Variants in C19orf12 observed in about 807,000 individuals in gnomAD.
C19orf12 encodes the protein protein C19orf12.
A neutral mutation model predicts 3.8 loss-of-function variants in C19orf12; 2 were observed. The ratio of observed to expected loss-of-function variants is 0.53; its 90% CI spans 0.22 to 1.66. The LOEUF is 1.66. Among genes scored for constraint, C19orf12 ranks in the 40% most tolerant of loss-of-function variants. The pLI, the probability that C19orf12 is intolerant of heterozygous loss-of-function variation, is 0.20. For synonymous variants in C19orf12, 89 were observed against 84.6 expected (o/e 1.05, Z -0.28); for missense variants, 156 against 188.8 (o/e 0.83, Z 1.02).
intron 1 of C19orf12, among the ~76,000 whole-genome samples, chr19:29,712,661 A>G (rs1364909003): frequency 6.6e-6 from 1 of 152,186 alleles, no homozygotes; most frequent in Non-Finnish European, 1.5e-5. Context: ...CCCTCCCACC[A>G]GCTTTTCTAT....
Position 29,708,390 on chromosome 19 carries a change from G to A in C19orf12, c.24C>T (p.Ile8=), listed in dbSNP as rs766430071. 1.4e-5 allele frequency: 23 copies of A among 1,613,960 alleles called. No homozygotes were observed. The highest frequency in any genetic ancestry group is 2.2e-5 in the South Asian group (2 of 91,080). Reference sequence around the variant, plus strand: ...CAGAAAGGGAGCACAGCAGCTTCATGATGTCCTCCACCATGATAGTCATCG... The same window carrying A: ...CAGAAAGGGAGCACAGCAGCTTCATAATGTCCTCCACCATGATAGTCATCG... MTIMVED[I]MKLLCSLSGE... is the part of the protein sequence containing the mutation. The change falls in exon 2 of 3, where the codon ATC becomes ATT. Residue 8 remains isoleucine (I), a synonymous_variant. Transcript: ENST00000323670.
chr19:29,713,816 C>T (rs1287305716), intron 1 of C19orf12, among the ~76,000 whole-genome samples: 1 of 152,144 alleles, frequency 6.6e-6, no homozygotes, highest in Non-Finnish European at 1.5e-5. Context: ...AGGGGCCGTC[C>T]CCTGCCCACC....
chr19:29,708,852 C>G (rs1972517981), intron 1 of C19orf12, among the ~76,000 whole-genome samples: 1 of 152,186 alleles, frequency 6.6e-6, no homozygotes, highest in Non-Finnish European at 1.5e-5. Flanking sequence ...TGAGGCCAAG[C>G]CAGAGCCAGG....
Position 29,702,170 on chromosome 19 carries a change from C to T in C19orf12, c.*542G>A, listed in dbSNP as rs1251992893. 1 of 454,050 alleles carries T rather than the reference C, an allele frequency of 2.2e-6. No homozygotes were observed. The highest frequency in any genetic ancestry group is 1.6e-5 in the South Asian group (1 of 64,480). The allele number at this position is 454,050 out of a possible 1,614,324, so 28.1% of individuals were successfully genotyped here. A position where few individuals can be genotyped will look rare whatever the true frequency, so the allele number is the denominator to read the frequency against. ...TCACTCAGCAGGCCGCCCGTCCCCT[C>T]CGTGGGGCCATTCGACAGTCCCTGG... On this transcript the variant is annotated 3_prime_UTR_variant, in exon 3 of 3. Transcript: ENST00000323670.
At position 29,699,163 on chromosome 19, in the gene C19orf12, TA is replaced by T. The variant is rs1413862487; in HGVS notation, c.*3548del. ...GGGGCATATAGGATAAGAAGGCAAG[TA>T]CGTTAGAAATATACATACATAGGCC... On this transcript the variant is annotated 3_prime_UTR_variant, in exon 3 of 3. Coordinates refer to ENST00000323670, the MANE Select transcript of C19orf12 (RefSeq NM_031448.6). 2 of 453,826 alleles carry T rather than the reference TA, an allele frequency of 4.4e-6. No homozygotes were observed. Among genetic ancestry groups the T allele is most frequent in the Non-Finnish European group, 4.4e-6 (1 of 226,736 alleles). 28.1% of individuals were successfully genotyped at this position (453,826 alleles called of 1,614,324 possible).
At chr19:29,709,340 C>A (rs1472013261) in intron 1 of C19orf12, among the ~76,000 whole-genome samples, 1 of 152,150 alleles carries the variant, frequency 6.6e-6, no homozygotes, top group Non-Finnish European at 1.5e-5. Flanking sequence ...CTCTGGAGAG[C>A]CCAAAGGCTG....
chr19:29,702,658 C>A lies in C19orf12; in HGVS notation c.*54G>T, dbSNP rs755184989. Reference sequence around the variant, plus strand: ...GCTTCTCCCAACTCCCAAGCCACCTCTTCAGAATCACAGAGTCATTTAAAG... The same window carrying A: ...GCTTCTCCCAACTCCCAAGCCACCTATTCAGAATCACAGAGTCATTTAAAG... On this transcript the variant is annotated 3_prime_UTR_variant, in exon 3 of 3. Transcript: ENST00000323670. The A allele has an allele frequency of 6.2e-7, 1 of 1,611,112 alleles. No individual in the cohort carries two copies. Among genetic ancestry groups the A allele is most frequent in the Non-Finnish European group, 8.5e-7 (1 of 1,179,764 alleles).
At chr19:29,708,722 T>A in intron 1 of C19orf12, 1 of 433,574 alleles carries the variant, frequency 2.3e-6, no homozygotes, top group Non-Finnish European at 4.3e-6. Flanking sequence ...GTTCTGCTGG[T>A]TCATCACGAG....
intron 2 of C19orf12, among the ~76,000 whole-genome samples, chr19:29,705,611 A>T (rs2145632025): frequency 6.6e-6 from 1 of 151,822 alleles, no homozygotes; most frequent in East Asian, 1.9e-4. Context: ...CTTAGGCTCA[A>T]GCAATCCTCC....
At chr19:29,705,267 G>A (rs1202178458) in intron 2 of C19orf12, 17 of 418,388 alleles carry the variant, frequency 4.1e-5, no homozygotes, top group Non-Finnish European at 6.6e-5. Context: ...GATGTTCTAC[G>A]AAATACCTGC....
chr19:29,708,312 G>A lies in C19orf12; in HGVS notation c.102C>T (p.Val34=), dbSNP rs999507003. The A allele has an allele frequency of 4.0e-5, 64 of 1,613,838 alleles. No individual in the cohort carries two copies. Among genetic ancestry groups the A allele is most frequent in the Non-Finnish European group, 5.3e-5 (62 of 1,180,034 alleles). Reference sequence around the variant, plus strand: ...CCCCGACGAAGGCCATGGCCCCTGTGACCAGGGCACCCTTCCCAGAGTGCT... The same window carrying A: ...CCCCGACGAAGGCCATGGCCCCTGTAACCAGGGCACCCTTCCCAGAGTGCT... ...AVKHSGKGAL[V]TGAMAFVGGL... is the part of the protein sequence containing the mutation. The change falls in exon 2 of 3, where the codon GTC becomes GTT. Residue 34 remains valine, a synonymous_variant. Coordinates refer to ENST00000323670, the MANE Select transcript of C19orf12 (RefSeq NM_031448.6).
In C19orf12 at chr19:29,715,128, G is replaced by C. The variant is rs1315438410; in HGVS notation, c.-14C>G. On this transcript the variant is annotated 5_prime_UTR_variant, in exon 1 of 3. Transcript: ENST00000323670. ...CCGGCTCCGGGCGCTCCTTTACCTGGGGGAGCGGAGGTCTACGCGGCGCGC... is the reference window on the plus strand; with the variant it reads ...CCGGCTCCGGGCGCTCCTTTACCTGCGGGAGCGGAGGTCTACGCGGCGCGC... 2 of 598,002 alleles carry C rather than the reference G, an allele frequency of 3.3e-6. No homozygotes were observed. Among genetic ancestry groups the C allele is most frequent in the Non-Finnish European group, 3.0e-6 (1 of 338,562 alleles). 37.0% of individuals were successfully genotyped at this position (598,002 alleles called of 1,614,324 possible).
At position 29,701,419 on chromosome 19, in the gene C19orf12, T is replaced by C. The variant is rs1212232917; in HGVS notation, c.*1293A>G. The C allele has an allele frequency of 6.6e-6, 3 of 454,134 alleles. No homozygotes were observed. The highest frequency in any genetic ancestry group is 4.7e-5 in the South Asian group (3 of 64,480). The allele number at this position is 454,134 out of a possible 1,614,324, so 28.1% of individuals were successfully genotyped here. A position where few individuals can be genotyped will look rare whatever the true frequency, so the allele number is the denominator to read the frequency against. Reference sequence around the variant, plus strand: ...ATTTCTTATAATACCAAATACAATATAAATGCTATGTAAATATGCTACACC... The same window carrying C: ...ATTTCTTATAATACCAAATACAATACAAATGCTATGTAAATATGCTACACC... On this transcript the variant is annotated 3_prime_UTR_variant, in exon 3 of 3. Transcript: ENST00000323670.
chr19:29,701,894 G>C lies in C19orf12; in HGVS notation c.*818C>G, dbSNP rs1412847990. 8.8e-6 allele frequency: 4 copies of C among 454,160 alleles called. 1 individual carries two copies. The highest frequency in any genetic ancestry group is 4.7e-5 in the South Asian group (3 of 64,474). The allele number at this position is 454,160 out of a possible 1,614,324, so 28.1% of individuals were successfully genotyped here. A position where few individuals can be genotyped will look rare whatever the true frequency, so the allele number is the denominator to read the frequency against. Reference sequence around the variant, plus strand: ...TGCAATATGCAGTAAACATGACTTAGATGCACTGGGAAACTAAAACAATGC... The same window carrying C: ...TGCAATATGCAGTAAACATGACTTACATGCACTGGGAAACTAAAACAATGC... On this transcript the variant is annotated 3_prime_UTR_variant, in exon 3 of 3. Transcript: ENST00000323670.
rs1417246909 is a variant in C19orf12 at position 29,702,274 on chromosome 19, G to A, written c.*438C>T. The A allele has an allele frequency of 2.2e-6, 1 of 457,536 alleles. No homozygotes were observed. Among genetic ancestry groups the A allele is most frequent in the South Asian group, 1.6e-5 (1 of 64,492 alleles). 28.3% of individuals were successfully genotyped at this position (457,536 alleles called of 1,614,324 possible). ...AGGCCCTGAGACCCCAGGACCTGCAGGGGGGTGGGATCCAGTCCTGCAGCA... is the reference window on the plus strand; with the variant it reads ...AGGCCCTGAGACCCCAGGACCTGCAAGGGGGTGGGATCCAGTCCTGCAGCA... On this transcript the variant is annotated 3_prime_UTR_variant, in exon 3 of 3. Transcript: ENST00000323670.
At chr19:29,707,329 T>C (rs571135067) in intron 2 of C19orf12, among the ~76,000 whole-genome samples, 3 of 152,212 alleles carry the variant, frequency 2.0e-5, no homozygotes, top group South Asian at 4.2e-4. Context: ...TGCACTCCAG[T>C]GTGGGCGACA....
In C19orf12 at chr19:29,701,833, T is replaced by C. The variant is rs530426969; in HGVS notation, c.*879A>G. On this transcript the variant is annotated 3_prime_UTR_variant, in exon 3 of 3. Coordinates refer to ENST00000323670, the MANE Select transcript of C19orf12 (RefSeq NM_031448.6). ...ATATTTTTAAATTAAGGTTTGTACA[T>C]TTGTTAGACATAATGCTATTGCACA... The C allele has an allele frequency of 4.4e-6, 2 of 453,844 alleles. No individual in the cohort carries two copies. The highest frequency in any genetic ancestry group is 2.0e-5 in the African/African-American group (1 of 50,130). 28.1% of individuals were successfully genotyped at this position (453,844 alleles called of 1,614,324 possible).
rs1242505802 is a variant in C19orf12 at position 29,700,786 on chromosome 19, T to C, written c.*1926A>G. 3 of 454,054 alleles carry C rather than the reference T, an allele frequency of 6.6e-6. No homozygotes were observed. The East Asian group carries it at 2.1e-4, about 32-fold the overall frequency. 28.1% of individuals were successfully genotyped at this position (454,054 alleles called of 1,614,324 possible). ...CCATGGGTTATAATTCACCCTGACG[T>C]CCTTACACACATGGAGGTGCCAGGA... On this transcript the variant is annotated 3_prime_UTR_variant, in exon 3 of 3. Transcript: ENST00000323670.
chr19:29,701,333 A>G lies in C19orf12; in HGVS notation c.*1379T>C, dbSNP rs1221367222. 2.2e-6 allele frequency: 1 copy of G among 454,024 alleles called. No homozygotes were observed. Among genetic ancestry groups the G allele is most frequent in the African/African-American group, 2.0e-5 (1 of 50,006 alleles). The allele number at this position is 454,024 out of a possible 1,614,324, so 28.1% of individuals were successfully genotyped here. On this transcript the variant is annotated 3_prime_UTR_variant, in exon 3 of 3. Transcript: ENST00000323670. The stretch of plus-strand genomic sequence containing the variant: ...AGGATGCTCAAGTCCCTGATGGGCA[A>G]TGGCATAGCGTTTGCACGTAACCTA...
Sources: allele counts gnomAD v4.1 joint callset (sites outside exome capture counted in the v4.1 genomes callset), GRCh38; gene constraint gnomAD v4.1.1; transcripts MANE v1.5; gene names NCBI Gene and HGNC (gene_info 2026-07-23, HGNC 2026-07-21).